The following TFAP2D variants were observed in gnomAD, a reference collection of about 807,000 sequenced individuals.
TFAP2D encodes transcription factor AP-2-delta.
A neutral mutation model predicts 43.6 loss-of-function variants in TFAP2D; 9 were observed. The observed-to-expected ratio is 0.21, with a 90% CI of 0.12 to 0.36. The LOEUF is 0.36. TFAP2D is among the 10% of genes least tolerant of loss of function. TFAP2D has a pLI of 1.00. For missense variants in TFAP2D, 513 were observed against 561.4 expected (o/e 0.91, Z 0.87); for synonymous variants, 256 against 224.9 (o/e 1.14, Z -1.24).
intron 3 of TFAP2D, among the ~76,000 whole-genome samples, chr6:50,724,489 C>G (rs890326909): frequency 1.2e-4 from 19 of 152,114 alleles, no homozygotes; most frequent in African/African-American, 4.6e-4. Context: ...ATGCGCGCAC[C>G]GGCCCAGCGC....
At chr6:50,747,277 G>A (rs148197654) in intron 6 of TFAP2D, among the ~76,000 whole-genome samples, 234 of 152,128 alleles carry the variant, frequency 1.5e-3, no homozygotes, top group Non-Finnish European at 2.8e-3. Flanking sequence ...TTGCATTACC[G>A]TAGGAGAAAG....
intron 7 of TFAP2D, among the ~76,000 whole-genome samples, chr6:50,769,874 G>T (rs1769500096): frequency 6.6e-6 from 1 of 152,154 alleles, no homozygotes; most frequent in South Asian, 2.1e-4. Context: ...ATTATATGAA[G>T]TGATACAGAT....
intron 7 of TFAP2D, among the ~76,000 whole-genome samples, chr6:50,752,173 G>T (rs1030190951): frequency 6.6e-6 from 1 of 151,690 alleles, no homozygotes; most frequent in Non-Finnish European, 1.5e-5. Flanking sequence ...TATGTAACTA[G>T]CCTGCACATT....
chr6:50,756,478 C>T (rs1769267521), intron 7 of TFAP2D, among the ~76,000 whole-genome samples: 2 of 152,114 alleles, frequency 1.3e-5, no homozygotes, highest in Admixed American at 1.3e-4. Flanking sequence ...TGATTTGGTG[C>T]CTTGAGAACT....
chr6:50,772,857 C>A lies in TFAP2D; in HGVS notation c.1352C>A (p.Thr451Lys), dbSNP rs1168705691. Residue 451 changes from threonine (T) to lysine (K), a missense_variant, in exon 8 of 8, where the codon ACA (threonine) becomes AAA (lysine). Coordinates refer to ENST00000008391, the MANE Select transcript of TFAP2D (RefSeq NM_172238.4). The stretch of plus-strand genomic sequence containing the variant: ...GTGAAAGAGGGCAAAACAGAAAAGA[C>A]AGACTAGCTACATCAAACAGAATCT... ...AAVKEGKTEK[T>K]D 1 of 1,612,206 alleles carries A rather than the reference C, an allele frequency of 6.2e-7. No individual in the cohort carries two copies. Among genetic ancestry groups the A allele is most frequent in the Non-Finnish European group, 8.5e-7 (1 of 1,179,088 alleles).
chr6:50,772,211 G>A (rs1412356162), intron 7 of TFAP2D, among the ~76,000 whole-genome samples: 4 of 151,850 alleles, frequency 2.6e-5, no homozygotes, highest in Non-Finnish European at 4.4e-5. Context: ...TTGGACACAG[G>A]AAGGGGAACT....
chr6:50,768,361 A>G (rs1391205110), intron 7 of TFAP2D, among the ~76,000 whole-genome samples: 4 of 119,816 alleles, frequency 3.3e-5, no homozygotes, highest in African/African-American at 3.3e-5. Flanking sequence ...TGAGATAGAG[A>G]CTTGCTTTGT....
chr6:50,755,086 C>T (rs753073353), intron 7 of TFAP2D, among the ~76,000 whole-genome samples: 6 of 151,838 alleles, frequency 4.0e-5, no homozygotes, highest in East Asian at 1.9e-4. Context: ...GTTTTACAGC[C>T]GTATGTCTTG....
chr6:50,772,948 C>A lies in TFAP2D; in HGVS notation c.*84C>A. The A allele has an allele frequency of 1.6e-6, 2 of 1,274,888 alleles. No individual in the cohort carries two copies. Among genetic ancestry groups the A allele is most frequent in the Admixed American group, 2.2e-5 (1 of 46,118 alleles). 79.0% of individuals were successfully genotyped at this position (1,274,888 alleles called of 1,614,324 possible). A position where few individuals can be genotyped will look rare whatever the true frequency, so the allele number is the denominator to read the frequency against. ...TATATCATTGAGGGTGACTAATCTT[C>A]AGTGGACCAAATCTCTACCCTTCCC... On this transcript the variant is annotated 3_prime_UTR_variant, in exon 8 of 8. Coordinates refer to ENST00000008391, the MANE Select transcript of TFAP2D (RefSeq NM_172238.4).
intron 7 of TFAP2D, among the ~76,000 whole-genome samples, chr6:50,762,089 A>G (rs1397928814): frequency 6.6e-6 from 1 of 152,088 alleles, no homozygotes; most frequent in Non-Finnish European, 1.5e-5. Flanking sequence ...AAAACCACAC[A>G]GGGAAAAAGA....
rs1385787183 is a variant in TFAP2D, at chr6:50,743,107, AC to A, written c.884-1999del. ...ATATAGAGATCCCTTCCATTTAGTT[AC>A]ATCATCTCTCTATTTAAAATAGAAG... On this transcript the variant is annotated intron_variant, in intron 5 of 7. Transcript: ENST00000008391. 4.6e-5 allele frequency among the ~76,000 whole-genome samples: 7 copies of A among 152,212 alleles called. No individual in the cohort carries two copies. The South Asian group carries it at 1.5e-3, about 32-fold the overall frequency.
intron 4 of TFAP2D, 55 bp downstream of exon 4, chr6:50,729,076 C>G: frequency 6.2e-7 from 1 of 1,607,144 alleles, no homozygotes; most frequent in Non-Finnish European, 8.5e-7. Context: ...ACCATACCCT[C>G]AACCCTTAGT....
intron 5 of TFAP2D, among the ~76,000 whole-genome samples, chr6:50,734,695 C>G (rs900661977): frequency 6.6e-6 from 1 of 152,052 alleles, no homozygotes; most frequent in Admixed American, 6.6e-5. Context: ...GAACTAATCA[C>G]GTGACCACAC....
At chr6:50,770,922 T>C (rs1285625473) in intron 7 of TFAP2D, among the ~76,000 whole-genome samples, 1 of 152,112 alleles carries the variant, frequency 6.6e-6, no homozygotes, top group Non-Finnish European at 1.5e-5. Flanking sequence ...ATGGGCATAC[T>C]ATGTGACAAG....
At position 50,715,571 on chromosome 6, in the gene TFAP2D, G is replaced by T. The variant is rs749467367; in HGVS notation, c.495G>T (p.Gly165=). ...GMHPDQRLLP[G]PSLGLAAAGA... is the part of the protein sequence containing the mutation. ...ACCCAGATCAAAGACTCCTGCCAGGGCCCAGCCTGGGGCTGGCCGCCGCGG... is the reference window on the plus strand; with the variant it reads ...ACCCAGATCAAAGACTCCTGCCAGGTCCCAGCCTGGGGCTGGCCGCCGCGG... Residue 165 remains glycine, a synonymous_variant, in exon 2 of 8, where the codon GGG becomes GGT. Coordinates refer to ENST00000008391, the MANE Select transcript of TFAP2D (RefSeq NM_172238.4). 12 of 1,606,048 alleles carry T rather than the reference G, an allele frequency of 7.5e-6. No homozygotes were observed. The African/African-American group carries it at 1.5e-4, about 20-fold the overall frequency.
chr6:50,765,330 GTTTAGA>G (rs541886254), intron 7 of TFAP2D, among the ~76,000 whole-genome samples: 160 of 152,312 alleles, frequency 1.1e-3, no homozygotes, highest in Non-Finnish European at 1.9e-3. Flanking sequence ...TGAACATGGA[GTTTAGA>G]TATCTCTTTC....
At chr6:50,715,762 C>CAT (rs1480042473) in intron 2 of TFAP2D, 149 bp downstream of exon 2, 4 of 747,866 alleles carry the variant, frequency 5.3e-6, no homozygotes, top group Admixed American at 2.9e-5. Flanking sequence ...CACACACACA[C>CAT]ACACACACAC....
At chr6:50,739,320 T>C (rs1769005804) in intron 5 of TFAP2D, among the ~76,000 whole-genome samples, 1 of 151,884 alleles carries the variant, frequency 6.6e-6, no homozygotes, top group Non-Finnish European at 1.5e-5. Context: ...GAACATGTGG[T>C]GTTTGGTTTT....
At chr6:50,758,368 C>G (rs559442774) in intron 7 of TFAP2D, among the ~76,000 whole-genome samples, 2 of 151,954 alleles carry the variant, frequency 1.3e-5, no homozygotes, top group African/African-American at 2.4e-5. Flanking sequence ...ATAGACTGCT[C>G]TCTATCTTTG....
Sources: gnomAD v4.1 joint callset for allele counts (sites outside exome capture counted in the v4.1 genomes callset) on GRCh38, gnomAD v4.1.1 for gene constraint, MANE v1.5 for transcripts, NCBI Gene and HGNC (gene_info 2026-07-23, HGNC 2026-07-21) for gene names.